Variants in TRPM6 observed in about 807,000 individuals in gnomAD.
The protein encoded by TRPM6 is channel kinase 2.
In TRPM6, 111 loss-of-function variants were observed where a neutral mutation model predicts 247.6. The observed-to-expected ratio is 0.45, with a 90% confidence interval of 0.38 to 0.52. TRPM6 has a LOEUF of 0.52. Ranked by LOEUF, TRPM6 falls within the 20% of genes least tolerant of loss-of-function variation. The pLI, the probability that TRPM6 is intolerant of heterozygous loss-of-function variation, is 0.00. For synonymous variants in TRPM6, 892 were observed against 853.8 expected (o/e 1.04, Z -0.78); for missense variants, 2,126 against 2,421.5 (o/e 0.88, Z 2.56).
intron 27 of TRPM6, among the ~76,000 whole-genome samples, chr9:74,758,252 G>A (rs1440645451): frequency 2.0e-5 from 3 of 151,976 alleles, no homozygotes; most frequent in Admixed American, 6.6e-5. Context: ...AACTGAAGAG[G>A]AGGGAATACT....
intron 17 of TRPM6, among the ~76,000 whole-genome samples, chr9:74,798,399 A>G (rs1828178489): frequency 6.6e-6 from 1 of 152,054 alleles, no homozygotes; most frequent in Non-Finnish European, 1.5e-5. Flanking sequence ...CAGATGTACA[A>G]CCCAAAATAC....
chr9:74,845,073 A>AGACAGG (rs1830063638), intron 3 of TRPM6, among the ~76,000 whole-genome samples: 1 of 152,244 alleles, frequency 6.6e-6, no homozygotes, highest in Non-Finnish European at 1.5e-5. Flanking sequence ...AAACAATTAC[A>AGACAGG]ATAGTGACAT....
chr9:74,794,634 C>T (rs981326143), intron 18 of TRPM6, among the ~76,000 whole-genome samples: 1 of 152,138 alleles, frequency 6.6e-6, no homozygotes, highest in African/African-American at 2.4e-5. Context: ...TAAATAACTT[C>T]TCTTATTATT....
rs548572662 is a variant in TRPM6 at position 74,792,770 on chromosome 9, T to C, written c.2392A>G (p.Lys798Glu). 16 of 1,613,192 alleles carry C rather than the reference T, an allele frequency of 9.9e-6. No individual in the cohort carries two copies. In the South Asian group the frequency reaches 1.1e-4, roughly 11 times the overall value. The change falls in exon 19 of 39, where the codon AAA (lysine) becomes GAA (glutamate). Residue 798 changes from lysine (K) to glutamate (E), a missense_variant and splice_region_variant. Transcript: ENST00000360774. ...TGGCCCCTTTCCAAATCATACTCTT[T>C]CTATAAAATAAACAAATAATCATTT... The part of the protein sequence containing the change: ...ASSSKESASV[K>E]EYDLERGHDE...
chr9:74,793,583 G>C (rs1827980199), intron 18 of TRPM6, among the ~76,000 whole-genome samples: 2 of 152,174 alleles, frequency 1.3e-5, no homozygotes, highest in South Asian at 4.1e-4. Flanking sequence ...AATCAGTAAT[G>C]AACAATACAA....
intron 25 of TRPM6, among the ~76,000 whole-genome samples, chr9:74,769,686 A>G (rs1433657398): frequency 2.0e-5 from 3 of 151,522 alleles, no homozygotes; most frequent in African/African-American, 2.4e-5. Flanking sequence ...TGAACCCGGG[A>G]GGCAGAAGTT....
At chr9:74,850,273 G>T (rs112802380) in intron 3 of TRPM6, among the ~76,000 whole-genome samples, 2,779 of 152,170 alleles carry the variant, frequency 0.018, 74 homozygotes, top group African/African-American at 0.062. Flanking sequence ...TCAGGAGGCT[G>T]AAGCACGAGA....
At chr9:74,873,631 G>A (rs1213291802) in intron 1 of TRPM6, among the ~76,000 whole-genome samples, 1 of 152,072 alleles carries the variant, frequency 6.6e-6, no homozygotes, top group Non-Finnish European at 1.5e-5. Flanking sequence ...TTTTCTAAGA[G>A]ATTTCCAACA....
At chr9:74,828,338 C>A (rs1027553647) in intron 6 of TRPM6, among the ~76,000 whole-genome samples, 1 of 151,756 alleles carries the variant, frequency 6.6e-6, no homozygotes, top group Non-Finnish European at 1.5e-5. Flanking sequence ...TGCAACAGAA[C>A]GAGACTCCGT....
rs1193734131 is a variant in TRPM6 at position 74,786,094 on chromosome 9, T to G, written c.2699A>C (p.Gln900Pro). Residue 900 changes from glutamine to proline, a missense_variant, in exon 21 of 39, where the codon CAA becomes CCA. This residue lies in a region of TRPM6 where 1,082 missense variants were observed against 1,307.9 expected (regional missense o/e 0.83). Transcript: ENST00000360774. ...CTCACTAATCCATACCTTCACCTTTTGGGTAAACTTCCCAGGTTCTGAAAT... is the reference window on the plus strand; with the variant it reads ...CTCACTAATCCATACCTTCACCTTTGGGGTAAACTTCCCAGGTTCTGAAAT... Reference protein sequence around the residue: ...ICISEPGKFTQKVKVWISEYW... With the variant: ...ICISEPGKFTPKVKVWISEYW... 6.2e-7 allele frequency: 1 copy of G among 1,614,056 alleles called. No individual in the cohort carries two copies. Among genetic ancestry groups the G allele is most frequent in the Non-Finnish European group, 8.5e-7 (1 of 1,180,032 alleles).
At chr9:74,853,826 TCTCCGAGAAACACCCAAGAATGATCAA>T (rs1564051526) in intron 3 of TRPM6, among the ~76,000 whole-genome samples, 1 of 150,656 alleles carries the variant, frequency 6.6e-6, no homozygotes, top group Non-Finnish European at 1.5e-5. Context: ...CAAATCCCCC[TCTCCGAGAAACACCCAAGAATGATCAA>T]TAAATACTAA....
rs757670919 is a variant in TRPM6 at position 74,816,663 on chromosome 9, C to G, written c.1308+6G>C. 6.2e-7 allele frequency: 1 copy of G among 1,611,206 alleles called. No homozygotes were observed. Among genetic ancestry groups the G allele is most frequent in the Non-Finnish European group, 8.5e-7 (1 of 1,177,648 alleles). ...TTTTTTCCGAATAACTTCATTTTCA[C>G]TATACCTTCCAGTGTTGTTCATAAA... is the stretch of plus-strand genomic sequence containing the variant. On this transcript the variant is annotated splice_donor_region_variant and intron_variant, in intron 11 of 38. Transcript: ENST00000360774.
At chr9:74,777,321 T>C (rs1181616992) in intron 23 of TRPM6, among the ~76,000 whole-genome samples, 1 of 152,144 alleles carries the variant, frequency 6.6e-6, no homozygotes, top group Non-Finnish European at 1.5e-5. Flanking sequence ...TTCAATTATT[T>C]TATAAAGAAT....
chr9:74,731,297 A>G (rs1473862325), intron 37 of TRPM6, among the ~76,000 whole-genome samples: 1 of 152,156 alleles, frequency 6.6e-6, no homozygotes, highest in East Asian at 1.9e-4. Flanking sequence ...CAAAATTATA[A>G]AGTACTTTTA....
chr9:74,796,993 A>G (rs1828121631), intron 17 of TRPM6, 100 bp from the exon 18 acceptor site: 1 of 1,075,124 alleles, frequency 9.3e-7, no homozygotes, highest in Admixed American at 2.0e-5. Context: ...AAAATGCCAG[A>G]CCCATCCCAG....
At chr9:74,833,608 C>T (rs1388569982) in intron 6 of TRPM6, among the ~76,000 whole-genome samples, 3 of 152,170 alleles carry the variant, frequency 2.0e-5, no homozygotes, top group Non-Finnish European at 4.4e-5. Flanking sequence ...TGAGACTATG[C>T]TGTTAGGAGA....
chr9:74,831,583 T>C (rs1207255928), intron 6 of TRPM6, among the ~76,000 whole-genome samples: 2 of 152,156 alleles, frequency 1.3e-5, no homozygotes, highest in Admixed American at 6.5e-5. Flanking sequence ...GCCTGGAATA[T>C]TTTTTCATAC....
At chr9:74,821,590 A>G (rs1829129754) in intron 8 of TRPM6, 79 bp downstream of exon 8, 1 of 1,513,530 alleles carries the variant, frequency 6.6e-7, no homozygotes, top group Non-Finnish European at 9.2e-7. Context: ...TCTGGCTCAC[A>G]TAAATGCACA....
At chr9:74,799,366 G>A (rs561444114) in intron 17 of TRPM6, among the ~76,000 whole-genome samples, 2 of 152,010 alleles carry the variant, frequency 1.3e-5, no homozygotes, top group African/African-American at 4.8e-5. Flanking sequence ...ATAACCTAAA[G>A]CCTTTAGACT....
Sources: gnomAD v4.1 joint callset for allele counts (sites outside exome capture counted in the v4.1 genomes callset) on GRCh38, gnomAD v4.1.1 for gene constraint, gnomAD v4.1.1 regional missense constraint, MANE v1.5 for transcripts, NCBI Gene and HGNC (gene_info 2026-07-23, HGNC 2026-07-21) for gene names.